Variants in SCD observed in about 807,000 individuals in gnomAD.
The protein encoded by SCD is stearoyl-CoA desaturase.
SCD carries 4 observed loss-of-function variants against 35.7 expected under a neutral mutation model. The ratio of observed to expected loss-of-function variants is 0.11; its 90% CI spans 0.06 to 0.26. The LOEUF (loss-of-function observed/expected upper bound fraction) is 0.26, where lower values mean the gene tolerates loss of function less well. Among genes scored for constraint, SCD ranks in the 10% least tolerant of loss-of-function variants. The pLI, the probability that SCD is intolerant of heterozygous loss-of-function variation, is 1.00. For missense variants in SCD, 282 were observed against 460.7 expected (o/e 0.61, Z 3.55); for synonymous variants, 150 against 170.2 (o/e 0.88, Z 0.92).
At chr10:100,353,138 T>C (rs1849888944) in intron 3 of SCD, among the ~76,000 whole-genome samples, 1 of 152,200 alleles carries the variant, frequency 6.6e-6, no homozygotes, top group Non-Finnish European at 1.5e-5. Context: ...GCATTTGATA[T>C]AAAGTCCTCA....
intron 2 of SCD, 152 bp downstream of exon 2, chr10:100,348,498 G>A (rs1849832879): frequency 1.1e-5 from 8 of 744,032 alleles, no homozygotes; most frequent in East Asian, 1.0e-4. Flanking sequence ...GGCCTAGTGG[G>A]CTGGGAAGAA....
At chr10:100,360,625 C>T (rs1849980482) in intron 5 of SCD, 109 bp from the exon 6 acceptor site, 2 of 833,184 alleles carry the variant, frequency 2.4e-6, no homozygotes, top group African/African-American at 1.7e-5. Context: ...ATCCATTCAA[C>T]AATAGCGAGT....
At chr10:100,360,664 C>A in intron 5 of SCD, 70 bp from the exon 6 acceptor site, 5 of 1,338,896 alleles carry the variant, frequency 3.7e-6, no homozygotes, top group African/African-American at 2.9e-5. Context: ...ACCCTGCTAG[C>A]TAACTGGTGT....
chr10:100,353,582 CAAAAA>C (rs35108206), intron 3 of SCD, among the ~76,000 whole-genome samples: 1 of 106,458 alleles, frequency 9.4e-6, no homozygotes. Context: ...GACTCCATCT[CAAAAA>C]AAAAAAAAAA....
At chr10:100,347,968 C>G in intron 1 of SCD, 96 bp from the exon 2 acceptor site, 2 of 1,261,620 alleles carry the variant, frequency 1.6e-6, no homozygotes, top group East Asian at 2.3e-5. Flanking sequence ...AGGGTCCGTA[C>G]TGTCCACCCT....
In SCD at chr10:100,352,270, G is replaced by T. The variant is rs560248611; in HGVS notation, c.311-96G>T. On this transcript the variant is annotated intron_variant, in intron 2 of 5. Transcript: ENST00000370355. This position sits in a 1 kb window ranked among gnomAD's most constrained non-coding sequence, Gnocchi z 4.2. ...AGCCAGTTCTCACCCAAAGCCTGAC[G>T]AAGACAGTTTCTAGCATCCAGAGAG... 1.5e-6 allele frequency: 2 copies of T among 1,305,312 alleles called. No homozygotes were observed. The highest frequency in any genetic ancestry group is 2.1e-6 in the Non-Finnish European group (2 of 936,660). The allele number at this position is 1,305,312 out of a possible 1,614,324, so 80.9% of individuals were successfully genotyped here. A position where few individuals can be genotyped will look rare whatever the true frequency, so the allele number is the denominator to read the frequency against.
At chr10:100,348,005 TG>T (rs1849820726) in intron 1 of SCD, 58 bp from the exon 2 acceptor site, 5 of 1,525,952 alleles carry the variant, frequency 3.3e-6, no homozygotes, top group South Asian at 2.4e-5. Context: ...GAGAGCGGAG[TG>T]GCCCCAGCTG....
chr10:100,356,425 A>G lies in SCD; in HGVS notation c.648-107A>G, dbSNP rs1309826672. On this transcript the variant is annotated intron_variant, in intron 4 of 5. Transcript: ENST00000370355. This position sits in a 1 kb window ranked among gnomAD's most constrained non-coding sequence, Gnocchi z 4.1. ...ACAATGAACTTAGAGTCAGACAAGC[A>G]ATTCAACATGGAAGAAAGACAGCCC... 1 of 783,608 alleles carries G rather than the reference A, an allele frequency of 1.3e-6. No individual in the cohort carries two copies. Among genetic ancestry groups the G allele is most frequent in the African/African-American group, 1.8e-5 (1 of 55,610 alleles). 48.5% of individuals were successfully genotyped at this position (783,608 alleles called of 1,614,324 possible).
At position 100,347,445 on chromosome 10, in the gene SCD, C is replaced by T. The variant is rs200701649; in HGVS notation, c.-60C>T. The T allele has an allele frequency of 6.3e-7, 1 of 1,594,420 alleles. No homozygotes were observed. The highest frequency in any genetic ancestry group is 8.6e-7 in the Non-Finnish European group (1 of 1,169,064). ...TCGAAACCGCAGTCCTCCGGCGACC[C>T]CGAACTCCGCTCCGGAGCCTCAGCC... On this transcript the variant is annotated 5_prime_UTR_variant, in exon 1 of 6. Transcript: ENST00000370355.
intron 5 of SCD, among the ~76,000 whole-genome samples, chr10:100,358,171 T>C (rs1849948442): frequency 6.6e-6 from 1 of 152,052 alleles, no homozygotes; most frequent in Admixed American, 6.6e-5. Context: ...GGCTAATTTT[T>C]CTATTTTTTT....
In SCD at chr10:100,347,531, T is replaced by G. The variant is rs761702537; in HGVS notation, c.27T>G (p.Asp9Glu). ...TGCCGGCCCACTTGCTGCAGGACGA[T>G]GTGAGTTTCCCAGCCTGGCCCCGTA... MPAHLLQD[D>E]ISSSYTTTTT... The change falls in exon 1 of 6, where the codon GAT becomes GAG. Residue 9 changes from aspartate (D) to glutamate (E), a missense_variant and splice_region_variant. By Grantham distance (45) the Asp-to-Glu change is conservative. Around this residue, in one of 2 missense-constraint regions of SCD, gnomAD observed 77 missense variants for 88.4 expected, o/e 0.87. Coordinates refer to ENST00000370355, the MANE Select transcript of SCD (RefSeq NM_005063.5). 24 of 1,613,766 alleles carry G rather than the reference T, an allele frequency of 1.5e-5. No individual in the cohort carries two copies. The highest frequency in any genetic ancestry group is 1.9e-5 in the Non-Finnish European group (22 of 1,179,948).
At chr10:100,354,369 A>G (rs966402987) in intron 3 of SCD, 58 bp from the exon 4 acceptor site, 1 of 1,468,058 alleles carries the variant, frequency 6.8e-7, no homozygotes, top group Admixed American at 1.7e-5. Context: ...GTCCATTGGG[A>G]TTCTCCTAAT....
chr10:100,363,153 A>ACAG lies in SCD; in HGVS notation c.*2221_*2223dup, dbSNP rs1483310973. On this transcript the variant is annotated 3_prime_UTR_variant, in exon 6 of 6. Coordinates refer to ENST00000370355, the MANE Select transcript of SCD (RefSeq NM_005063.5). Reference sequence around the variant, plus strand: ...TGAGATACCACAAACCCTGCTGAACACAGTGTCTGTTCAGCAAACTAACCA... The same window carrying ACAG: ...TGAGATACCACAAACCCTGCTGAACACAGCAGTGTCTGTTCAGCAAACTAACCA... The ACAG allele has an allele frequency of 1.3e-5, 2 of 152,250 alleles. No individual in the cohort carries two copies. The highest frequency in any genetic ancestry group is 1.5e-5 in the Non-Finnish European group (1 of 68,062). The allele number at this position is 152,250 out of a possible 1,614,324, so 9.4% of individuals were successfully genotyped here.
chr10:100,359,189 C>A (rs641996), intron 5 of SCD, among the ~76,000 whole-genome samples: 1 of 152,096 alleles, frequency 6.6e-6, no homozygotes, highest in East Asian at 1.9e-4. Flanking sequence ...CAATATCTGA[C>A]CTGTTGTTGT....
chr10:100,351,632 AT>A (rs1475460449), intron 2 of SCD, among the ~76,000 whole-genome samples: 7 of 151,978 alleles, frequency 4.6e-5, no homozygotes, highest in Non-Finnish European at 1.0e-4. Flanking sequence ...CAGTGCCCAG[AT>A]TGTACTGGCT....
At chr10:100,354,821 C>T (rs2133594572) in intron 4 of SCD, among the ~76,000 whole-genome samples, 189 bp downstream of exon 4, 1 of 152,332 alleles carries the variant, frequency 6.6e-6, no homozygotes, top group Middle Eastern at 3.4e-3. Context: ...TGCTCCATTT[C>T]TTTCTCTCTG....
At chr10:100,354,814 T>C (rs1849911345) in intron 4 of SCD, among the ~76,000 whole-genome samples, 182 bp downstream of exon 4, 1 of 152,226 alleles carries the variant, frequency 6.6e-6, no homozygotes. Context: ...AGACTATTGC[T>C]CCATTTCTTT....
Position 100,361,036 on chromosome 10 carries a change from G to T in SCD, c.*103G>T. ...ATGCTACCAGGATGCTAAAGATGAT[G>T]ATGTTAACCCATTCCAGTACAGTAT... On this transcript the variant is annotated 3_prime_UTR_variant, in exon 6 of 6. Coordinates refer to ENST00000370355, the MANE Select transcript of SCD (RefSeq NM_005063.5). 1 of 978,620 alleles carries T rather than the reference G, an allele frequency of 1.0e-6. No homozygotes were observed. The highest frequency in any genetic ancestry group is 1.5e-6 in the Non-Finnish European group (1 of 657,028). 60.6% of individuals were successfully genotyped at this position (978,620 alleles called of 1,614,324 possible). A position where few individuals can be genotyped will look rare whatever the true frequency, so the allele number is the denominator to read the frequency against.
chr10:100,352,354 T>G lies in SCD; in HGVS notation c.311-12T>G, dbSNP rs1217073085. 3.1e-6 allele frequency: 5 copies of G among 1,612,638 alleles called. No homozygotes were observed. In the African/African-American group the frequency reaches 6.7e-5, roughly 22 times the overall value. ...ACTGATTGGTGACTCCCCCACTGTC[T>G]TCTCCTGGCAGGGGTATTCTACTAT... On this transcript the variant is annotated splice_polypyrimidine_tract_variant and intron_variant, in intron 2 of 5. Coordinates refer to ENST00000370355, the MANE Select transcript of SCD (RefSeq NM_005063.5). This position sits in a 1 kb window ranked among gnomAD's most constrained non-coding sequence, Gnocchi z 4.2.
Sources: gnomAD v4.1 joint callset for allele counts (sites outside exome capture counted in the v4.1 genomes callset) on GRCh38, gnomAD v4.1.1 for gene constraint, gnomAD v4.1.1 regional missense constraint, Gnocchi (gnomAD v3.1) non-coding constraint, MANE v1.5 for transcripts, NCBI Gene and HGNC (gene_info 2026-07-23, HGNC 2026-07-21) for gene names.